Variants in POC1B observed in about 807,000 individuals in gnomAD.
The protein encoded by POC1B is POC1 centriolar protein B, also known as POC1 centriolar protein homolog B.
Under a neutral mutation model 60.6 loss-of-function variants are expected in POC1B, and 44 were observed. That is an observed-to-expected ratio of 0.73 (90% CI 0.57 to 0.93). The LOEUF (loss-of-function observed/expected upper bound fraction) is 0.93, where lower values mean the gene tolerates loss of function less well. POC1B is among the 40% of genes least tolerant of loss of function. The pLI is 0.00. For missense variants in POC1B, 555 were observed against 572.3 expected (o/e 0.97, Z 0.31); for synonymous variants, 180 against 198.9 (o/e 0.90, Z 0.80).
intron 10 of POC1B, among the ~76,000 whole-genome samples, chr12:89,432,795 C>CTAGAT (rs1296621859): frequency 1.3e-5 from 2 of 152,142 alleles, no homozygotes; most frequent in East Asian, 3.8e-4. Context: ...ATATATGATT[C>CTAGAT]TAGATTTCTG....
chr12:89,448,937 A>T (rs1881912212), intron 10 of POC1B, among the ~76,000 whole-genome samples: 1 of 152,172 alleles, frequency 6.6e-6, no homozygotes, highest in South Asian at 2.1e-4. Context: ...TCAAGGGCCT[A>T]TTTCTCCACC....
At chr12:89,408,739 A>G in the POC1B span, among the ~76,000 whole-genome samples, 7 of 152,098 alleles carry the variant, frequency 4.6e-5, no homozygotes, top group Non-Finnish European at 1.5e-5. Context: ...TGCCTGCCTC[A>G]GCCTCCCAGA....
intron 11 of POC1B, among the ~76,000 whole-genome samples, chr12:89,422,333 T>C (rs1224467467): frequency 1.3e-5 from 2 of 152,202 alleles, no homozygotes; most frequent in African/African-American, 4.8e-5. Flanking sequence ...AAATTTTCTT[T>C]CGCATGTCAA....
At chr12:89,523,135 A>T (rs757032627) in intron 2 of POC1B, 1 of 1,613,886 alleles carries the variant, frequency 6.2e-7, no homozygotes, top group Non-Finnish European at 8.5e-7. Context: ...AAACAGTGAA[A>T]GGTTAGCACC....
At chr12:89,452,704 GA>G (rs776434565) in intron 10 of POC1B, among the ~76,000 whole-genome samples, 11 of 151,710 alleles carry the variant, frequency 7.3e-5, no homozygotes, top group African/African-American at 1.5e-4. Context: ...TGAAGGGGGG[GA>G]AAAGAAGCCT....
intron 10 of POC1B, among the ~76,000 whole-genome samples, chr12:89,443,079 G>A (rs182346510): frequency 2.0e-5 from 3 of 152,134 alleles, no homozygotes; most frequent in Non-Finnish European, 4.4e-5. Flanking sequence ...TGCACCCAAT[G>A]CAGGAGCACC....
At chr12:89,495,542 G>A (rs893383481) in intron 3 of POC1B, among the ~76,000 whole-genome samples, 3 of 152,128 alleles carry the variant, frequency 2.0e-5, no homozygotes, top group African/African-American at 4.8e-5. Context: ...GCCTGGGCCT[G>A]AATAGTCACA....
the POC1B span, among the ~76,000 whole-genome samples, chr12:89,409,619 G>A: frequency 6.6e-6 from 1 of 152,060 alleles, no homozygotes; most frequent in South Asian, 2.1e-4. Context: ...ATGATAAAGG[G>A]GAGCTCACCA....
intron 2 of POC1B, among the ~76,000 whole-genome samples, chr12:89,499,420 A>C (rs10858882): frequency 0.52 from 79,494 of 151,892 alleles, 21,182 homozygotes; most frequent in African/African-American, 0.61. Flanking sequence ...TGGGTGATGG[A>C]ATCAATTGTA....
downstream of POC1B, among the ~76,000 whole-genome samples, chr12:89,416,888 C>T (rs1296067371): frequency 6.6e-6 from 1 of 152,218 alleles, no homozygotes; most frequent in Non-Finnish European, 1.5e-5. Flanking sequence ...CAATGAGTAG[C>T]ACAAGTTTGT....
intron 4 of POC1B, among the ~76,000 whole-genome samples, chr12:89,472,988 T>C (rs1198986948): frequency 6.6e-6 from 1 of 152,228 alleles, no homozygotes; most frequent in Non-Finnish European, 1.5e-5. Flanking sequence ...GTTCTTTTTT[T>C]ATTGTTTGGC....
intron 10 of POC1B, among the ~76,000 whole-genome samples, chr12:89,435,953 T>G (rs1445578115): frequency 6.7e-6 from 1 of 149,764 alleles, no homozygotes; most frequent in Admixed American, 6.6e-5. Flanking sequence ...GTTTGTTTGT[T>G]TTTTTTTTTT....
At chr12:89,506,004 T>C (rs1319900004) in intron 2 of POC1B, among the ~76,000 whole-genome samples, 1 of 152,148 alleles carries the variant, frequency 6.6e-6, no homozygotes, top group African/African-American at 2.4e-5. Flanking sequence ...TGAGTTTTAG[T>C]GCCATTTAAT....
chr12:89,472,670 T>C (rs1882944770), intron 4 of POC1B: 1 of 155,704 alleles, frequency 6.4e-6, no homozygotes, highest in Non-Finnish European at 1.4e-5. Flanking sequence ...AGAGAGCCTT[T>C]ATTACTCATC....
At chr12:89,490,715 A>G (rs376711162) in intron 4 of POC1B, among the ~76,000 whole-genome samples, 15 of 152,264 alleles carry the variant, frequency 9.9e-5, no homozygotes, top group African/African-American at 3.4e-4. Flanking sequence ...ATGAATAGGA[A>G]GACTCCACAG....
chr12:89,405,623 T>C, the POC1B span, among the ~76,000 whole-genome samples: 1 of 152,120 alleles, frequency 6.6e-6, no homozygotes, highest in Non-Finnish European at 1.5e-5. Context: ...AAAAAAATAG[T>C]TGTTTAAGCC....
intron 10 of POC1B, among the ~76,000 whole-genome samples, chr12:89,445,495 A>G (rs1881739831): frequency 6.6e-6 from 1 of 152,198 alleles, no homozygotes; most frequent in Admixed American, 6.5e-5. Context: ...TGACAAAAAC[A>G]AGAAATGGGG....
chr12:89,492,709 G>A (rs868202131), intron 3 of POC1B, among the ~76,000 whole-genome samples: 1 of 152,128 alleles, frequency 6.6e-6, no homozygotes, highest in Non-Finnish European at 1.5e-5. Flanking sequence ...GCTGGTCAGC[G>A]TGACATCCGC....
At chr12:89,480,075 C>A (rs1010608068) in intron 4 of POC1B, among the ~76,000 whole-genome samples, 3 of 151,946 alleles carry the variant, frequency 2.0e-5, no homozygotes, top group African/African-American at 7.3e-5. Flanking sequence ...GTACCATTAT[C>A]ACCATATTTT....
Sources: allele counts gnomAD v4.1 joint callset (sites outside exome capture counted in the v4.1 genomes callset), GRCh38; gene constraint gnomAD v4.1.1; transcripts MANE v1.5; gene names NCBI Gene and HGNC (gene_info 2026-07-23, HGNC 2026-07-21).